GOLPH3: variants seen among roughly 807,000 people sequenced by gnomAD.
The protein encoded by GOLPH3 is coat protein GPP34.
Under a neutral mutation model 28.5 loss-of-function variants are expected in GOLPH3, and 14 were observed. The ratio of observed to expected loss-of-function variants is 0.49; its 90% CI spans 0.32 to 0.77. GOLPH3 has a LOEUF of 0.77. GOLPH3 is among the 30% of genes least tolerant of loss of function. The pLI, the probability that GOLPH3 is intolerant of heterozygous loss-of-function variation, is 0.03. For missense variants in GOLPH3, 350 were observed against 393.7 expected, an observed-to-expected ratio of 0.89 and a Z score of 0.94; for synonymous variants, 158 against 159.2, an observed-to-expected ratio of 0.99 and a Z score of 0.06.
chr5:32,154,301 G>T (rs6859585), intron 1 of GOLPH3, among the ~76,000 whole-genome samples: 1,742 of 152,262 alleles, frequency 0.011, 30 homozygotes, highest in African/African-American at 0.039. Flanking sequence ...GGATTATAAA[G>T]GAAACCAAAT....
intron 1 of GOLPH3, among the ~76,000 whole-genome samples, chr5:32,166,433 C>T (rs2111895550): frequency 6.6e-6 from 1 of 152,264 alleles, no homozygotes; most frequent in South Asian, 2.1e-4. Flanking sequence ...GTCTTCCCAG[C>T]TTTGATAAGA....
intron 1 of GOLPH3, among the ~76,000 whole-genome samples, chr5:32,150,958 T>G (rs183273057): frequency 6.6e-6 from 1 of 152,312 alleles, no homozygotes; most frequent in East Asian, 1.9e-4. Flanking sequence ...AATTCCTTAT[T>G]ATACATCAAT....
rs142444229 is a variant in GOLPH3, at chr5:32,140,018, A to G, written c.357+3731T>C. Among the ~76,000 whole-genome samples, 7 of 152,284 alleles carry G rather than the reference A, an allele frequency of 4.6e-5. No individual in the cohort carries two copies. The East Asian group carries it at 1.3e-3, about 29-fold the overall frequency. On this transcript the variant is annotated intron_variant, in intron 2 of 3. Coordinates refer to ENST00000265070, the MANE Select transcript of GOLPH3 (RefSeq NM_022130.4). ...CCGTATCCAATTTACAGAGTTCTAG[A>G]AAAAGAGGGCAAAAGATATCAGAAA...
Position 32,131,871 on chromosome 5 carries a change from T to C in GOLPH3, c.472+3701A>G, listed in dbSNP as rs1199534784. On this transcript the variant is annotated intron_variant, in intron 3 of 3. Coordinates refer to ENST00000265070, the MANE Select transcript of GOLPH3 (RefSeq NM_022130.4). Reference sequence around the variant, plus strand: ...ACTAAAAGCAGCTTTGGCCATAAATTTGGCAGTGTAGTGATTCCTTGTGAC... The same window carrying C: ...ACTAAAAGCAGCTTTGGCCATAAATCTGGCAGTGTAGTGATTCCTTGTGAC... Among the ~76,000 whole-genome samples, 2 of 152,234 alleles carry C rather than the reference T, an allele frequency of 1.3e-5. 1 individual carries two copies. The highest frequency in any genetic ancestry group is 1.3e-4 in the Admixed American group (2 of 15,284).
intron 1 of GOLPH3, among the ~76,000 whole-genome samples, chr5:32,159,853 C>G (rs925631672): frequency 6.6e-6 from 1 of 152,122 alleles, no homozygotes; most frequent in African/African-American, 2.4e-5. Context: ...GCAGTGATAC[C>G]TCGAGCCCCA....
intron 3 of GOLPH3, among the ~76,000 whole-genome samples, chr5:32,128,201 C>T (rs1745725726): frequency 6.6e-6 from 1 of 152,152 alleles, no homozygotes; most frequent in Non-Finnish European, 1.5e-5. Flanking sequence ...GTGAACAATT[C>T]TAAGAGTTCA....
At chr5:32,136,210 T>C (rs1745928274) in intron 2 of GOLPH3, among the ~76,000 whole-genome samples, 1 of 152,080 alleles carries the variant, frequency 6.6e-6, no homozygotes, top group African/African-American at 2.4e-5. Context: ...CCGGGCATGG[T>C]GGCTCACTCC....
chr5:32,173,915 C>A lies in GOLPH3; in HGVS notation c.120G>T (p.Ala40=). 6.6e-7 allele frequency: 1 copy of A among 1,507,926 alleles called. No individual in the cohort carries two copies. Among genetic ancestry groups the A allele is most frequent in the Non-Finnish European group, 8.8e-7 (1 of 1,132,306 alleles). 93.4% of individuals were successfully genotyped at this position (1,507,926 alleles called of 1,614,324 possible). ...GGGAGSSEDD[A]QSRRDEQDDD... is the part of the protein sequence containing the mutation. The stretch of plus-strand genomic sequence containing the variant: ...CGTCCTGCTCGTCGCGGCGGCTCTG[C>A]GCGTCGTCCTCGCTGCTGCCGGCGC... The change falls in exon 1 of 4, where the codon GCG becomes GCT. Residue 40 remains alanine (A), a synonymous_variant. Coordinates refer to ENST00000265070, the MANE Select transcript of GOLPH3 (RefSeq NM_022130.4).
chr5:32,169,121 A>AT (rs1216285830), intron 1 of GOLPH3, among the ~76,000 whole-genome samples: 3 of 151,536 alleles, frequency 2.0e-5, no homozygotes, highest in Middle Eastern at 3.4e-3. Flanking sequence ...TAAAAAAAAA[A>AT]TTTTTTTTTA....
intron 1 of GOLPH3, among the ~76,000 whole-genome samples, chr5:32,165,970 C>T (rs1049009632): frequency 1.3e-5 from 2 of 152,142 alleles, no homozygotes; most frequent in Non-Finnish European, 2.9e-5. Flanking sequence ...AAAGAAAAGA[C>T]GAAAACCTTA....
At chr5:32,132,968 T>C (rs1311455510) in intron 3 of GOLPH3, among the ~76,000 whole-genome samples, 1 of 152,214 alleles carries the variant, frequency 6.6e-6, no homozygotes, top group Non-Finnish European at 1.5e-5. Flanking sequence ...GCAGCAGCAT[T>C]CCCAATGTAT....
intron 2 of GOLPH3, among the ~76,000 whole-genome samples, chr5:32,141,682 G>C (rs1746063618): frequency 6.6e-6 from 1 of 152,150 alleles, no homozygotes; most frequent in South Asian, 2.1e-4. Flanking sequence ...CTGCCATCTC[G>C]GCTCACTGCA....
chr5:32,131,980 C>G (rs1745833948), intron 3 of GOLPH3, among the ~76,000 whole-genome samples: 1 of 152,128 alleles, frequency 6.6e-6, no homozygotes, highest in East Asian at 1.9e-4. Flanking sequence ...CATGATGAAA[C>G]CCCATCTCTA....
intron 2 of GOLPH3, among the ~76,000 whole-genome samples, chr5:32,140,956 A>T (rs1210454728): frequency 1.3e-5 from 2 of 152,108 alleles, no homozygotes; most frequent in African/African-American, 4.8e-5. Context: ...TGAGCCCAGG[A>T]GTTCGAGAGC....
intron 2 of GOLPH3, among the ~76,000 whole-genome samples, chr5:32,138,044 C>CA (rs1246057157): frequency 6.6e-6 from 1 of 151,892 alleles, no homozygotes; most frequent in Non-Finnish European, 1.5e-5. Context: ...GCTGGGATTA[C>CA]AGGTGCACAC....
chr5:32,148,056 G>A (rs1746216448), intron 1 of GOLPH3, among the ~76,000 whole-genome samples: 1 of 152,190 alleles, frequency 6.6e-6, no homozygotes, highest in Non-Finnish European at 1.5e-5. Context: ...TACTTAGAAA[G>A]TACAAAGAAC....
intron 1 of GOLPH3, among the ~76,000 whole-genome samples, chr5:32,169,126 T>C (rs981748558): frequency 6.6e-6 from 1 of 151,922 alleles, no homozygotes; most frequent in Non-Finnish European, 1.5e-5. Context: ...AAAAAATTTT[T>C]TTTTAATTAG....
chr5:32,157,704 T>C (rs943858398), intron 1 of GOLPH3, among the ~76,000 whole-genome samples: 3 of 152,176 alleles, frequency 2.0e-5, no homozygotes, highest in Non-Finnish European at 2.9e-5. Context: ...GGGTTGGGCA[T>C]AGTGGCTCAC....
intron 1 of GOLPH3, among the ~76,000 whole-genome samples, chr5:32,161,836 G>A (rs1001333354): frequency 6.6e-6 from 1 of 150,642 alleles, no homozygotes; most frequent in Non-Finnish European, 1.5e-5. Flanking sequence ...AACCATCCTG[G>A]CTAACACGGT....
Sources: gnomAD v4.1 joint callset for allele counts (sites outside exome capture counted in the v4.1 genomes callset) on GRCh38, gnomAD v4.1.1 for gene constraint, MANE v1.5 for transcripts, NCBI Gene and HGNC (gene_info 2026-07-23, HGNC 2026-07-21) for gene names.